The following NIN variants were observed in gnomAD, a reference collection of about 807,000 sequenced individuals.
NIN encodes the protein glycogen synthase kinase 3 beta-interacting protein.
Under a neutral mutation model 257.6 loss-of-function variants are expected in NIN, and 137 were observed. That is an observed-to-expected ratio of 0.53 (90% confidence interval 0.46 to 0.61). The LOEUF (loss-of-function observed/expected upper bound fraction) is 0.61. Among genes scored for constraint, NIN ranks in the 20% least tolerant of loss-of-function variants. NIN has a pLI of 0.00. For missense variants in NIN, 2,439 were observed against 2,501.2 expected, an observed-to-expected ratio of 0.98 and a Z score of 0.53; for synonymous variants, 918 against 919.8, an observed-to-expected ratio of 1.00 and a Z score of 0.04.
rs201501508 is a variant in NIN at position 50,766,384 on chromosome 14, C to G, written c.1558G>C (p.Asp520His). Residue 520 changes from aspartate to histidine, a missense_variant, in exon 14 of 31, where the codon GAT (aspartate) becomes CAT (histidine). Transcript: ENST00000530997. ...NVLAEKFGDL[D>H]PSSAEFFLQE... ...AGGAAGAACTCAGCACTGCTAGGAT[C>G]GAGGTCACCAAACTAGAAGGGGAAA... is the stretch of plus-strand genomic sequence containing the variant. 329 of 1,614,140 alleles carry G rather than the reference C, an allele frequency of 2.0e-4. 1 individual carries two copies. Among genetic ancestry groups the G allele is most frequent in the Admixed American group, 3.7e-4 (22 of 60,022 alleles).
rs749893535 is a variant in NIN, at chr14:50,757,925, A to G, written c.3105T>C (p.Gly1035=). 6.2e-7 allele frequency: 1 copy of G among 1,614,138 alleles called. No homozygotes were observed. Among genetic ancestry groups the G allele is most frequent in the Non-Finnish European group, 8.5e-7 (1 of 1,180,020 alleles). Residue 1035 remains glycine (G), a synonymous_variant, in exon 18 of 31, where the codon GGT becomes GGC. Transcript: ENST00000530997. Reference sequence around the variant, plus strand: ...CCTCCTCCTCTCCTATCACCTGGCAACCACTCTGAAGCATTGAGAGAGGAG... The same window carrying G: ...CCTCCTCCTCTCCTATCACCTGGCAGCCACTCTGAAGCATTGAGAGAGGAG... ...ATSPLSMLQS[G]CQVIGEEEVE... is the part of the protein sequence containing the mutation.
Position 50,721,524 on chromosome 14 carries a change from G to T in NIN, c.*1939C>A, listed in dbSNP as rs753917470. On this transcript the variant is annotated 3_prime_UTR_variant, in exon 31 of 31. Coordinates refer to ENST00000530997, the MANE Select transcript of NIN (RefSeq NM_020921.4). ...CACTACAGGTACTTAGTTTATTTTT[G>T]TCCTTAGCCTAGGCCAATCCACAGT... The T allele has an allele frequency of 9.2e-6, 2 of 217,742 alleles. No homozygotes were observed. The highest frequency in any genetic ancestry group is 1.9e-5 in the Non-Finnish European group (2 of 108,012). 13.5% of individuals were successfully genotyped at this position (217,742 alleles called of 1,614,324 possible).
intron 4 of NIN, among the ~76,000 whole-genome samples, chr14:50,797,501 A>G (rs901349710): frequency 2.4e-4 from 36 of 152,164 alleles, no homozygotes; most frequent in African/African-American, 8.2e-4. Flanking sequence ...AAGGAAAGGT[A>G]AAAAATGAAG....
chr14:50,730,793 TAAAAC>T (rs1196969489), intron 28 of NIN: 1 of 604,028 alleles, frequency 1.7e-6, no homozygotes, highest in African/African-American at 1.9e-5. Flanking sequence ...ATTATACCAT[TAAAAC>T]AAAATGAATA....
rs2043660681 is a variant in NIN at position 50,792,843 on chromosome 14, C to T, written c.304G>A (p.Gly102Arg). The T allele has an allele frequency of 6.2e-7, 1 of 1,614,120 alleles. No individual in the cohort carries two copies. The highest frequency in any genetic ancestry group is 1.3e-5 in the African/African-American group (1 of 74,938). The change falls in exon 5 of 31, where the codon GGG (glycine) becomes AGG (arginine). Residue 102 changes from glycine to arginine, a missense_variant. Physicochemically the swap from Gly to Arg is moderately radical, Grantham distance 125 (BLOSUM62 -2). Around this residue, in one of 3 missense-constraint regions of NIN, gnomAD observed 387 missense variants for 427.3 expected, o/e 0.91. Coordinates refer to ENST00000530997, the MANE Select transcript of NIN (RefSeq NM_020921.4). ...AAGGACCTTCGTCCGTAACGCTTCC[C>T]ACCTCTAACATATTTGGGCTGAGCT... ...LEAQPKYVRG[G>R]KRYGRRSLPE...
chr14:50,770,601 T>G, intron 11 of NIN, 39 bp from the exon 12 acceptor site: 1 of 1,604,034 alleles, frequency 6.2e-7, no homozygotes, highest in South Asian at 1.1e-5. Flanking sequence ...CATCACGTCT[T>G]TCAGAGGTCC....
chr14:50,819,736 A>G (rs2045109621), intron 3 of NIN, among the ~76,000 whole-genome samples: 3 of 152,276 alleles, frequency 2.0e-5, no homozygotes. Context: ...ATTAATGAAT[A>G]GATTAATATA....
At chr14:50,741,787 A>G in intron 24 of NIN, 59 bp from the exon 25 acceptor site, 1 of 1,548,484 alleles carries the variant, frequency 6.5e-7, no homozygotes, top group Non-Finnish European at 8.7e-7. Context: ...CACCTCTAGC[A>G]TGTTCAGGAA....
At chr14:50,754,720 A>G in intron 19 of NIN, 22 bp downstream of exon 19, 3 of 1,580,552 alleles carry the variant, frequency 1.9e-6, no homozygotes, top group Non-Finnish European at 2.6e-6. Context: ...ATGTCTTAGG[A>G]AAATGTAAGT....
intron 28 of NIN, among the ~76,000 whole-genome samples, chr14:50,734,209 C>T (rs1595714874): frequency 3.3e-5 from 5 of 152,002 alleles, no homozygotes; most frequent in Admixed American, 3.3e-4. Flanking sequence ...CCTGCCTCAG[C>T]CTCCCAAGTA....
intron 22 of NIN, among the ~76,000 whole-genome samples, chr14:50,745,204 G>A (rs1595748827): frequency 6.6e-6 from 1 of 152,250 alleles, no homozygotes; most frequent in Non-Finnish European, 1.5e-5. Flanking sequence ...TTCTTCAGGC[G>A]TTGGGGGTCG....
Position 50,770,409 on chromosome 14 carries a change from G to A in NIN, c.1413C>T (p.Asp471=). Residue 471 remains aspartate (D), a synonymous_variant, in exon 12 of 31, where the codon GAC becomes GAT. Coordinates refer to ENST00000530997, the MANE Select transcript of NIN (RefSeq NM_020921.4). ...KAKTEENYIR[D]RLALSLKENS... ...TTACCTTTAAAGAGAGGGCAAGGCG[G>A]TCCCGGATATAGTTCTCTTCTGTTT... 1.2e-6 allele frequency: 2 copies of A among 1,614,200 alleles called. No individual in the cohort carries two copies. Among genetic ancestry groups the A allele is most frequent in the African/African-American group, 2.7e-5 (2 of 75,062 alleles).
intron 12 of NIN, among the ~76,000 whole-genome samples, chr14:50,767,583 C>T (rs533890994): frequency 2.6e-5 from 4 of 152,034 alleles, no homozygotes; most frequent in African/African-American, 7.2e-5. Context: ...TTTGGGAGGC[C>T]AAGGTGGGCG....
At chr14:50,819,202 T>TG (rs2045079537) in intron 3 of NIN, among the ~76,000 whole-genome samples, 1 of 152,216 alleles carries the variant, frequency 6.6e-6, no homozygotes, top group Non-Finnish European at 1.5e-5. Context: ...AGGAAGTTGA[T>TG]GGATACTAAT....
chr14:50,811,616 A>G (rs1017626057), intron 3 of NIN, among the ~76,000 whole-genome samples: 2 of 91,622 alleles, frequency 2.2e-5, no homozygotes, highest in African/African-American at 8.7e-5. Context: ...AAACAATTTT[A>G]TGGGCTTTTG....
intron 27 of NIN, among the ~76,000 whole-genome samples, chr14:50,737,664 T>A (rs1161825856): frequency 3.3e-5 from 4 of 119,862 alleles, no homozygotes; most frequent in South Asian, 2.6e-4. Context: ...TTTTTTTTTT[T>A]AAACAGAGTC....
rs199887033 is a variant in NIN at position 50,758,163 on chromosome 14, C to T, written c.2867G>A (p.Cys956Tyr). The change falls in exon 18 of 31, where the codon TGC becomes TAC. Residue 956 changes from cysteine to tyrosine, a missense_variant. By Grantham distance (194) the Cys-to-Tyr change is radical. This residue lies in a region of NIN where 2,043 missense variants were observed against 2,050.2 expected (regional missense o/e 1.00). Coordinates refer to ENST00000530997, the MANE Select transcript of NIN (RefSeq NM_020921.4). ...CAGCTGCTCCGAAGCCCCTGCCTGG[C>T]ACAGGACCTCCTCACGCTCCCTCAG... ...RELREREEVL[C>Y]QAGASEQLAS... The T allele has an allele frequency of 2.8e-5, 45 of 1,614,240 alleles. No individual in the cohort carries two copies. In the East Asian group the frequency reaches 3.1e-4, roughly 11 times the overall value.
Position 50,729,571 on chromosome 14 carries a change from G to T in NIN, c.6030C>A (p.His2010Gln), listed in dbSNP as rs556352768. The change falls in exon 29 of 31, where the codon CAC becomes CAA. Residue 2010 changes from histidine (H) to glutamine (Q), a missense_variant. His to Gln is a conservative substitution (Grantham distance 24). Around this residue, in one of 3 missense-constraint regions of NIN, gnomAD observed 2,043 missense variants for 2,050.2 expected, o/e 1.00. Transcript: ENST00000530997. ...QLLQAERINQ[H>Q]LQEELENRTS... ...TCCTGTTTTCAAGTTCCTCCTGCAG[G>T]TGCTGGTTTATCCTTTCTGCCTGCA... 6.2e-7 allele frequency: 1 copy of T among 1,614,002 alleles called. No individual in the cohort carries two copies. Among genetic ancestry groups the T allele is most frequent in the Admixed American group, 1.7e-5 (1 of 59,996 alleles).
rs113488966 is a variant in NIN, at chr14:50,805,188, T to C, written c.265+1549A>G. 2.0e-3 allele frequency among the ~76,000 whole-genome samples: 308 copies of C among 152,294 alleles called. 3 individuals carry two copies. The highest frequency in any genetic ancestry group is 7.0e-3 in the African/African-American group (291 of 41,566). ...TATTACCTATGCTCACGTTAGCTAA[T>C]ATCTACCCTGGCGGTGATGTCAACC... On this transcript the variant is annotated intron_variant, in intron 4 of 30. Coordinates refer to ENST00000530997, the MANE Select transcript of NIN (RefSeq NM_020921.4).
Sources: gnomAD v4.1 joint callset for allele counts (sites outside exome capture counted in the v4.1 genomes callset) on GRCh38, gnomAD v4.1.1 for gene constraint, gnomAD v4.1.1 regional missense constraint, MANE v1.5 for transcripts, NCBI Gene and HGNC (gene_info 2026-07-23, HGNC 2026-07-21) for gene names.